ATP2B2: variants seen among roughly 807,000 people sequenced by gnomAD.
ATP2B2 encodes plasma membrane calcium-transporting ATPase 2.
In ATP2B2, 15 loss-of-function variants were observed where a neutral mutation model predicts 120.0. That is an observed-to-expected ratio of 0.12 (90% CI 0.08 to 0.19). ATP2B2 has a LOEUF of 0.19. Ranked by LOEUF, ATP2B2 falls within the 10% of genes least tolerant of loss-of-function variation. ATP2B2 has a pLI of 1.00. For synonymous variants in ATP2B2, 694 were observed against 700.3 expected (o/e 0.99, Z 0.14); for missense variants, 1,045 against 1,719.8 (o/e 0.61, Z 6.94).
At chr3:10,531,265 C>T (rs1206617941) in intron 3 of ATP2B2, among the ~76,000 whole-genome samples, 1 of 152,234 alleles carries the variant, frequency 6.6e-6, no homozygotes, top group Non-Finnish European at 1.5e-5. Context: ...GTCCCATCGA[C>T]AGTGAGCCAG....
At chr3:10,421,452 G>C (rs2062977738) in intron 2 of ATP2B2, among the ~76,000 whole-genome samples, 1 of 152,226 alleles carries the variant, frequency 6.6e-6, no homozygotes, top group Non-Finnish European at 1.5e-5. Flanking sequence ...ACCCAGACTT[G>C]AGTCCCCAGG....
intron 2 of ATP2B2, among the ~76,000 whole-genome samples, chr3:10,441,272 T>TA (rs2125141851): frequency 1.3e-5 from 2 of 152,314 alleles, no homozygotes; most frequent in African/African-American, 4.8e-5. Context: ...TTGTTTTTTT[T>TA]GAGACAGAGT....
Position 10,510,803 on chromosome 3 carries a change from T to A in ATP2B2, c.-320+23236A>T, listed in dbSNP as rs891026657. 2.0e-5 allele frequency among the ~76,000 whole-genome samples: 3 copies of A among 152,220 alleles called. No individual in the cohort carries two copies. In the East Asian group the frequency reaches 5.8e-4, roughly 29 times the overall value. ...TCCCAGGCACAAGGCCATGGTCTCATCTGCGCTGCCCCTCAGAGCTAATAC... is the reference window on the plus strand; with the variant it reads ...TCCCAGGCACAAGGCCATGGTCTCAACTGCGCTGCCCCTCAGAGCTAATAC... On this transcript the variant is annotated intron_variant, in intron 3 of 21. Transcript: ENST00000646379.
intron 1 of ATP2B2, among the ~76,000 whole-genome samples, chr3:10,622,690 A>C (rs2069582699): frequency 6.6e-6 from 1 of 152,308 alleles, no homozygotes; most frequent in East Asian, 1.9e-4. Flanking sequence ...ATCCTCTTAC[A>C]GTCAACCAGC....
chr3:10,660,679 G>A (rs1441442777), intron 1 of ATP2B2, among the ~76,000 whole-genome samples: 1 of 152,210 alleles, frequency 6.6e-6, no homozygotes, highest in Non-Finnish European at 1.5e-5. Flanking sequence ...ACAAGGAGGA[G>A]CTGGTACTAT....
intron 2 of ATP2B2, among the ~76,000 whole-genome samples, chr3:10,442,039 C>T (rs972661234): frequency 6.6e-6 from 1 of 152,126 alleles, no homozygotes; most frequent in Admixed American, 6.5e-5. Context: ...AATCAGGGCC[C>T]CCTTCCTCTC....
chr3:10,694,717 A>G (rs2071716117), intron 1 of ATP2B2, among the ~76,000 whole-genome samples: 1 of 152,090 alleles, frequency 6.6e-6, no homozygotes, highest in African/African-American at 2.4e-5. Flanking sequence ...AAAATTGATC[A>G]CTCATTGTTT....
intron 1 of ATP2B2, among the ~76,000 whole-genome samples, chr3:10,623,054 CTTTTTTTTT>C (rs34097914): frequency 3.5e-4 from 37 of 106,616 alleles, no homozygotes; most frequent in African/African-American, 1.2e-3. Flanking sequence ...TTGGTCAGCT[CTTTTTTTTT>C]TTTTTTTTTT....
At chr3:10,595,331 G>A (rs758762011) in intron 2 of ATP2B2, among the ~76,000 whole-genome samples, 14 of 152,328 alleles carry the variant, frequency 9.2e-5, no homozygotes, top group Middle Eastern at 3.4e-3. Flanking sequence ...AGATATTCCA[G>A]TGGGCATCTC....
intron 2 of ATP2B2, among the ~76,000 whole-genome samples, chr3:10,438,430 A>G (rs1385912055): frequency 3.9e-5 from 6 of 152,192 alleles, no homozygotes; most frequent in African/African-American, 1.4e-4. Context: ...ACTGCCTGCC[A>G]ATCCAGTGTC....
intron 2 of ATP2B2, among the ~76,000 whole-genome samples, chr3:10,444,097 G>A (rs927620611): frequency 2.0e-5 from 3 of 152,184 alleles, no homozygotes; most frequent in African/African-American, 4.8e-5. Flanking sequence ...ACAGAGTCCT[G>A]GGCCTTAGAA....
Position 10,358,875 on chromosome 3 carries a change from C to T in ATP2B2, c.1952G>A (p.Arg651His), listed in dbSNP as rs145574094. The T allele has an allele frequency of 4.7e-5, 76 of 1,613,986 alleles. No homozygotes were observed. Among genetic ancestry groups the T allele is most frequent in the Admixed American group, 1.2e-4 (7 of 60,014 alleles). ...CTTCTTTACCATCTCGTCCCGGTCG[C>T]GGGGCCGGAAGACACGAGGCTCTCC... Reference protein sequence around the residue: ...GAGEPRVFRPRDRDEMVKKVI... With the variant: ...GAGEPRVFRPHDRDEMVKKVI... Residue 651 changes from arginine (R) to histidine (H), a missense_variant, in exon 14 of 23, where the codon CGC becomes CAC. Physicochemically the swap from Arg to His is conservative, Grantham distance 29. Coordinates refer to ENST00000360273, the MANE Select transcript of ATP2B2 (RefSeq NM_001001331.4).
At chr3:10,691,981 A>G (rs147216931) in intron 1 of ATP2B2, among the ~76,000 whole-genome samples, 1 of 152,374 alleles carries the variant, frequency 6.6e-6, no homozygotes, top group East Asian at 1.9e-4. Flanking sequence ...ACTAAAGCCC[A>G]GAGAGACCTA....
chr3:10,704,574 T>C (rs879293971), intron 1 of ATP2B2, among the ~76,000 whole-genome samples: 16 of 152,196 alleles, frequency 1.1e-4, no homozygotes, highest in Non-Finnish European at 1.9e-4. Context: ...CTGGCCCTGC[T>C]CCCTCCTCCT....
chr3:10,528,738 G>C (rs566376683), intron 3 of ATP2B2, among the ~76,000 whole-genome samples: 1 of 152,342 alleles, frequency 6.6e-6, no homozygotes, highest in Admixed American at 6.5e-5. Flanking sequence ...GAACATCTAT[G>C]CTGCAAACAT....
chr3:10,679,241 T>C (rs1397262019), intron 1 of ATP2B2, among the ~76,000 whole-genome samples: 1 of 152,278 alleles, frequency 6.6e-6, no homozygotes, highest in African/African-American at 2.4e-5. Flanking sequence ...AGATAATGCA[T>C]GTATGTTGTT....
chr3:10,539,352 C>A (rs2067383492), intron 2 of ATP2B2, among the ~76,000 whole-genome samples: 1 of 152,166 alleles, frequency 6.6e-6, no homozygotes, highest in Non-Finnish European at 1.5e-5. Context: ...TGACTTTCTT[C>A]ACAGAATTGG....
chr3:10,520,800 A>T (rs535853475), intron 3 of ATP2B2, among the ~76,000 whole-genome samples: 2 of 152,132 alleles, frequency 1.3e-5, no homozygotes, highest in Admixed American at 1.3e-4. Flanking sequence ...CCAAATAAAA[A>T]AGAGTGCCTT....
intron 2 of ATP2B2, among the ~76,000 whole-genome samples, chr3:10,445,268 A>C (rs2063799370): frequency 1.3e-5 from 2 of 151,936 alleles, no homozygotes; most frequent in African/African-American, 2.4e-5. Context: ...TTCACAGATA[A>C]GTTCATTGAG....
Sources: allele counts gnomAD v4.1 joint callset (sites outside exome capture counted in the v4.1 genomes callset), GRCh38; gene constraint gnomAD v4.1.1; transcripts MANE v1.5; gene names NCBI Gene and HGNC (gene_info 2026-07-23, HGNC 2026-07-21).